CLNK: variants seen among roughly 807,000 people sequenced by gnomAD.
CLNK encodes the protein cytokine dependent hematopoietic cell linker.
CLNK carries 74 observed loss-of-function variants against 68.6 expected under a neutral mutation model. That is an observed-to-expected ratio of 1.08 (90% CI 0.89 to 1.31). CLNK has a LOEUF of 1.31. Ranked by LOEUF, CLNK falls within the 50% of genes most tolerant of loss-of-function variation. The probability of loss-of-function intolerance (pLI) is 0.00; values close to 1 mark genes in which losing one functional copy is unlikely to be tolerated. For missense variants in CLNK, 553 were observed against 515.3 expected (o/e 1.07, Z -0.71); for synonymous variants, 198 against 172.2 (o/e 1.15, Z -1.17).
At chr4:10,581,818 A>G (rs1720795357) in intron 4 of CLNK, among the ~76,000 whole-genome samples, 1 of 152,066 alleles carries the variant, frequency 6.6e-6, no homozygotes, top group Non-Finnish European at 1.5e-5. Context: ...TAATAGAGAC[A>G]TTTGTTATCT....
chr4:10,610,481 C>T (rs959601332), intron 2 of CLNK, among the ~76,000 whole-genome samples: 2 of 151,750 alleles, frequency 1.3e-5, no homozygotes, highest in Admixed American at 1.3e-4. Flanking sequence ...AAAGCTTTTT[C>T]CCCCCTCTTC....
chr4:10,662,385 T>C (rs1445866534), intron 2 of CLNK, among the ~76,000 whole-genome samples: 1 of 152,242 alleles, frequency 6.6e-6, no homozygotes, highest in Non-Finnish European at 1.5e-5. Context: ...ACACAGTGCA[T>C]GTGCTGTACA....
At chr4:10,581,636 C>T (rs1055070292) in intron 4 of CLNK, among the ~76,000 whole-genome samples, 3 of 143,122 alleles carry the variant, frequency 2.1e-5, no homozygotes, top group African/African-American at 5.1e-5. Context: ...TCAGACTACC[C>T]GAGTCCCCAG....
At chr4:10,498,053 G>A (rs1468963647) in intron 18 of CLNK, among the ~76,000 whole-genome samples, 1 of 152,160 alleles carries the variant, frequency 6.6e-6, no homozygotes, top group Non-Finnish European at 1.5e-5. Context: ...AAATTAGCTG[G>A]GCATGGTGGC....
chr4:10,652,552 T>A (rs1241721010), intron 2 of CLNK, among the ~76,000 whole-genome samples: 1 of 152,154 alleles, frequency 6.6e-6, no homozygotes, highest in African/African-American at 2.4e-5. Context: ...GCTTGGTTAT[T>A]ATATTAATGG....
chr4:10,520,604 C>T (rs1354985500), intron 15 of CLNK, among the ~76,000 whole-genome samples, 187 bp downstream of exon 15: 5 of 152,108 alleles, frequency 3.3e-5, no homozygotes, highest in Non-Finnish European at 7.4e-5. Flanking sequence ...AAACTAGAAA[C>T]CACCTAAGTG....
chr4:10,636,999 G>T (rs1723117562), intron 2 of CLNK, among the ~76,000 whole-genome samples: 1 of 152,190 alleles, frequency 6.6e-6, no homozygotes, highest in African/African-American at 2.4e-5. Flanking sequence ...GGGCACTATG[G>T]CTCTGTGCAC....
At chr4:10,520,724 C>T in intron 15 of CLNK, 67 bp downstream of exon 15, 1 of 1,241,874 alleles carries the variant, frequency 8.1e-7, no homozygotes. Context: ...ACAGCTAAGT[C>T]ACAGTGCCAC....
the CLNK span, among the ~76,000 whole-genome samples, chr4:10,723,371 G>A: frequency 6.6e-6 from 1 of 152,128 alleles, no homozygotes; most frequent in South Asian, 2.1e-4. Flanking sequence ...GAAGTTTAGG[G>A]ATCAAATGGA....
chr4:10,523,208 G>A (rs1230582734), intron 14 of CLNK, among the ~76,000 whole-genome samples: 1 of 152,216 alleles, frequency 6.6e-6, no homozygotes, highest in Non-Finnish European at 1.5e-5. Flanking sequence ...AGCTTACTGA[G>A]TTTACCGGGA....
chr4:10,702,306 T>G, the CLNK span, among the ~76,000 whole-genome samples: 1 of 151,712 alleles, frequency 6.6e-6, no homozygotes, highest in Admixed American at 6.6e-5. Flanking sequence ...CTGGGAAATA[T>G]GCACAAAGTA....
At chr4:10,730,963 C>G in the CLNK span, among the ~76,000 whole-genome samples, 7 of 152,170 alleles carry the variant, frequency 4.6e-5, no homozygotes, top group Non-Finnish European at 1.0e-4. Flanking sequence ...GGAAGGAAAG[C>G]TACAGATTTC....
intron 1 of CLNK, among the ~76,000 whole-genome samples, chr4:10,673,277 A>G (rs1487350729): frequency 7.4e-6 from 1 of 135,988 alleles, no homozygotes; most frequent in Non-Finnish European, 1.6e-5. Flanking sequence ...AGGGAAAAAT[A>G]TGCCCCAGAG....
At chr4:10,517,005 A>G (rs902716255) in intron 15 of CLNK, among the ~76,000 whole-genome samples, 3 of 152,260 alleles carry the variant, frequency 2.0e-5, no homozygotes, top group African/African-American at 7.2e-5. Context: ...ATCTTCAAAA[A>G]TAGGAATAAA....
At chr4:10,660,952 G>C (rs1489846800) in intron 2 of CLNK, among the ~76,000 whole-genome samples, 2 of 152,164 alleles carry the variant, frequency 1.3e-5, no homozygotes, top group Non-Finnish European at 1.5e-5. Context: ...TAGCATCAGA[G>C]GACAGACCCA....
chr4:10,541,467 C>G (rs1260769135), intron 10 of CLNK, among the ~76,000 whole-genome samples: 1 of 152,030 alleles, frequency 6.6e-6, no homozygotes, highest in Admixed American at 6.6e-5. Flanking sequence ...GGCAGAGGTG[C>G]TCACAGGTCC....
chr4:10,539,283 G>A (rs1255587999), intron 11 of CLNK, among the ~76,000 whole-genome samples: 1 of 152,160 alleles, frequency 6.6e-6, no homozygotes, highest in Non-Finnish European at 1.5e-5. Context: ...GCTTGTGTGG[G>A]GCTGTAATGG....
chr4:10,609,900 G>A (rs1189075137), intron 2 of CLNK, among the ~76,000 whole-genome samples: 4 of 152,174 alleles, frequency 2.6e-5, no homozygotes, highest in Non-Finnish European at 4.4e-5. Flanking sequence ...CTAACCAGAT[G>A]CTGAGAGAGA....
the CLNK span, among the ~76,000 whole-genome samples, chr4:10,712,776 T>C: frequency 6.6e-6 from 1 of 152,242 alleles, no homozygotes; most frequent in Non-Finnish European, 1.5e-5. Context: ...AACATCACTA[T>C]GGTGAAACTG....
Sources: allele counts gnomAD v4.1 joint callset (sites outside exome capture counted in the v4.1 genomes callset), GRCh38; gene constraint gnomAD v4.1.1; transcripts MANE v1.5; gene names NCBI Gene and HGNC (gene_info 2026-07-23, HGNC 2026-07-21).